HMGA2: variants seen among roughly 807,000 people sequenced by gnomAD.
HMGA2 encodes high mobility group protein HMGI-C.
HMGA2 carries 8 observed loss-of-function variants against 19.1 expected under a neutral mutation model. The observed-to-expected ratio is 0.42, with a 90% confidence interval of 0.25 to 0.76. The LOEUF (loss-of-function observed/expected upper bound fraction) is 0.76, where lower values mean the gene tolerates loss of function less well. Among genes scored for constraint, HMGA2 ranks in the 30% least tolerant of loss-of-function variants. The pLI, the probability that HMGA2 is intolerant of heterozygous loss-of-function variation, is 0.28. For missense variants in HMGA2, 109 were observed against 136.3 expected, an observed-to-expected ratio of 0.80 and a Z score of 1.00; for synonymous variants, 60 against 48.8, an observed-to-expected ratio of 1.23 and a Z score of -0.96.
At chr12:65,941,493 A>G (rs1876091231) in intron 3 of HMGA2, among the ~76,000 whole-genome samples, 1 of 152,220 alleles carries the variant, frequency 6.6e-6, no homozygotes, top group Non-Finnish European at 1.5e-5. Flanking sequence ...CTCAACTCCT[A>G]AAGTCAGCCC....
chr12:65,860,712 A>T (rs1872013881), intron 3 of HMGA2, among the ~76,000 whole-genome samples: 1 of 152,196 alleles, frequency 6.6e-6, no homozygotes. Flanking sequence ...TTGTTTTTTC[A>T]AAAAAGTATG....
At chr12:65,830,093 T>A (rs1239465015) in intron 2 of HMGA2, among the ~76,000 whole-genome samples, 2 of 151,978 alleles carry the variant, frequency 1.3e-5, no homozygotes, top group Admixed American at 1.3e-4. Flanking sequence ...AAATCCCTCT[T>A]GTAATAAAAA....
In HMGA2 at chr12:65,875,589, A is replaced by ATT. The variant is rs71096056; in HGVS notation, c.249+37060_249+37061dup. On this transcript the variant is annotated intron_variant, in intron 3 of 4. Transcript: ENST00000403681. ...CGGGCATATGCCACCGTGCCCGGCT[A>ATT]TTTTTTTTTTTTTTTTTTTTTTTTT... 7.7e-4 allele frequency among the ~76,000 whole-genome samples: 20 copies of ATT among 26,114 alleles called. 5 individuals carry two copies. Among genetic ancestry groups the ATT allele is most frequent in the African/African-American group, 9.2e-4 (9 of 9,822 alleles). 17.1% of individuals were successfully genotyped at this position (26,114 alleles called of 152,430 possible).
At chr12:65,869,580 T>C (rs1346009363) in intron 3 of HMGA2, among the ~76,000 whole-genome samples, 1 of 152,224 alleles carries the variant, frequency 6.6e-6, no homozygotes. Flanking sequence ...TCTCCTTATG[T>C]ATTTAAGAAA....
At chr12:65,872,690 T>G (rs1343130581) in intron 3 of HMGA2, among the ~76,000 whole-genome samples, 1 of 152,240 alleles carries the variant, frequency 6.6e-6, no homozygotes, top group East Asian at 1.9e-4. Flanking sequence ...TCACTTAAAC[T>G]ATTTGCACCA....
intron 3 of HMGA2, among the ~76,000 whole-genome samples, chr12:65,947,419 T>C (rs1876307591): frequency 6.6e-6 from 1 of 152,206 alleles, no homozygotes; most frequent in Non-Finnish European, 1.5e-5. Context: ...CGTTTTAACA[T>C]CTGTTAATCC....
At chr12:65,875,587 C>CT (rs1872953046) in intron 3 of HMGA2, among the ~76,000 whole-genome samples, 1 of 34,060 alleles carries the variant, frequency 2.9e-5, no homozygotes, top group Non-Finnish European at 1.0e-4. Flanking sequence ...CCGTGCCCGG[C>CT]TATTTTTTTT....
intron 1 of HMGA2, chr12:65,826,057 C>G (rs1192092421): frequency 1.3e-5 from 2 of 152,438 alleles, no homozygotes; most frequent in African/African-American, 4.8e-5. Flanking sequence ...GCCTGGTTCC[C>G]CGCAGGACGG....
intron 2 of HMGA2, chr12:65,829,087 T>C (rs534909065): frequency 6.6e-6 from 1 of 152,280 alleles, no homozygotes; most frequent in East Asian, 1.9e-4. Context: ...TGTACAGTAT[T>C]TGTTAGAAAG....
intron 3 of HMGA2, among the ~76,000 whole-genome samples, chr12:65,889,423 T>C (rs1476602984): frequency 1.3e-5 from 2 of 152,206 alleles, no homozygotes; most frequent in Admixed American, 6.5e-5. Flanking sequence ...GTAGTAAATA[T>C]ATTGTAAATA....
intron 3 of HMGA2, chr12:65,842,947 CT>C: frequency 9.6e-7 from 1 of 1,043,812 alleles, no homozygotes; most frequent in Non-Finnish European, 1.2e-6. Flanking sequence ...CCAGATGTTG[CT>C]TAGTGATGCA....
chr12:65,824,713 T>TTCTCTTCTCTCTCTC lies in HMGA2; in HGVS notation c.-553_-552insTCTCTCTCTCTCTCT. The TTCTCTTCTCTCTCTC allele has an allele frequency of 7.1e-6, 1 of 141,658 alleles. No homozygotes were observed. Among genetic ancestry groups the TTCTCTTCTCTCTCTC allele is most frequent in the East Asian group, 8.0e-5 (1 of 12,490 alleles). 8.8% of individuals were successfully genotyped at this position (141,658 alleles called of 1,614,324 possible). A position where few individuals can be genotyped will look rare whatever the true frequency, so the allele number is the denominator to read the frequency against. Reference sequence around the variant, plus strand: ...CCAAGGCACTTTCAATCTCAATCTCTTCTCTCTCTCTCTCTCTCTCTCTCT... The same window carrying TTCTCTTCTCTCTCTC: ...CCAAGGCACTTTCAATCTCAATCTCTTCTCTTCTCTCTCTCTCTCTCTCTCTCTCTCTCTCTCTCT... On this transcript the variant is annotated 5_prime_UTR_variant, in exon 1 of 5. Coordinates refer to ENST00000403681, the MANE Select transcript of HMGA2 (RefSeq NM_003483.6).
chr12:65,911,605 G>A (rs543818311), intron 3 of HMGA2, among the ~76,000 whole-genome samples: 105 of 152,216 alleles, frequency 6.9e-4, no homozygotes, highest in African/African-American at 2.5e-3. Context: ...CTCTTAGCAT[G>A]TTCGATTCCA....
chr12:65,886,603 C>T (rs1443836733), intron 3 of HMGA2, among the ~76,000 whole-genome samples: 3 of 151,914 alleles, frequency 2.0e-5, no homozygotes, highest in South Asian at 2.1e-4. Context: ...GTGATCTGCC[C>T]GTCTCGGCCT....
chr12:65,907,163 G>A lies in HMGA2; in HGVS notation c.250-44220G>A, dbSNP rs187575778. 7.0e-3 allele frequency among the ~76,000 whole-genome samples: 1,062 copies of A among 152,168 alleles called. 12 individuals carry two copies. Among genetic ancestry groups the A allele is most frequent in the African/African-American group, 0.024 (1,007 of 41,520 alleles). Reference sequence around the variant, plus strand: ...TGTAATCCCAGCACTTTGGGAGGCCGAGGCAGGCGGATCACGAGGTCAGGA... The same window carrying A: ...TGTAATCCCAGCACTTTGGGAGGCCAAGGCAGGCGGATCACGAGGTCAGGA... On this transcript the variant is annotated intron_variant, in intron 3 of 4. Coordinates refer to ENST00000403681, the MANE Select transcript of HMGA2 (RefSeq NM_003483.6).
chr12:65,868,313 AT>A (rs59633297), intron 3 of HMGA2, among the ~76,000 whole-genome samples: 20 of 148,804 alleles, frequency 1.3e-4, no homozygotes, highest in African/African-American at 3.7e-4. Context: ...TTCTGGCTTC[AT>A]TTTTTTTTTC....
At chr12:65,889,903 C>T (rs1474858586) in intron 3 of HMGA2, among the ~76,000 whole-genome samples, 3 of 152,144 alleles carry the variant, frequency 2.0e-5, no homozygotes, top group Non-Finnish European at 4.4e-5. Context: ...TACATCCTAG[C>T]CCCACTCACA....
intron 3 of HMGA2, chr12:65,882,086 G>A (rs1873438717): frequency 1.8e-6 from 1 of 549,524 alleles, no homozygotes; most frequent in South Asian, 1.9e-5. Flanking sequence ...GGGAATGAGC[G>A]TGGAAACCCC....
At chr12:65,930,896 G>T (rs962825406) in intron 3 of HMGA2, among the ~76,000 whole-genome samples, 1 of 152,194 alleles carries the variant, frequency 6.6e-6, no homozygotes, top group Admixed American at 6.5e-5. Context: ...GTAATTCAGG[G>T]AGGACAAGAA....
Sources: gnomAD v4.1 joint callset for allele counts (sites outside exome capture counted in the v4.1 genomes callset) on GRCh38, gnomAD v4.1.1 for gene constraint, MANE v1.5 for transcripts, NCBI Gene and HGNC (gene_info 2026-07-23, HGNC 2026-07-21) for gene names.